The following EXOC6 variants were observed in gnomAD, a reference collection of about 807,000 sequenced individuals.
EXOC6 encodes exocyst complex component 6.
Under a neutral mutation model 112.5 loss-of-function variants are expected in EXOC6, and 60 were observed. That is an observed-to-expected ratio of 0.53 (90% CI 0.43 to 0.66). EXOC6 has a LOEUF of 0.66. Among genes scored for constraint, EXOC6 ranks in the 30% least tolerant of loss-of-function variants. EXOC6 has a pLI of 0.00. For missense variants in EXOC6, 855 were observed against 957.1 expected, an observed-to-expected ratio of 0.89 and a Z score of 1.41; for synonymous variants, 295 against 308.0, an observed-to-expected ratio of 0.96 and a Z score of 0.44.
At chr10:92,963,309 C>G (rs1398787577) in intron 17 of EXOC6, among the ~76,000 whole-genome samples, 3 of 152,094 alleles carry the variant, frequency 2.0e-5, no homozygotes, top group Non-Finnish European at 4.4e-5. Context: ...TGGGCTGTAG[C>G]TTTTTACCTA....
intron 9 of EXOC6, among the ~76,000 whole-genome samples, chr10:92,933,364 A>G (rs1209200740): frequency 5.9e-5 from 9 of 152,306 alleles, no homozygotes; most frequent in Admixed American, 5.9e-4. Flanking sequence ...GTAGGAACAT[A>G]TTCTTTTCAA....
intron 18 of EXOC6, among the ~76,000 whole-genome samples, chr10:92,979,028 G>T (rs760683760): frequency 6.6e-6 from 1 of 152,116 alleles, no homozygotes; most frequent in African/African-American, 2.4e-5. Flanking sequence ...AGATTTTCTG[G>T]GATAGAGGTG....
intron 1 of EXOC6, among the ~76,000 whole-genome samples, chr10:92,889,872 A>T (rs1014603854): frequency 4.0e-5 from 6 of 151,718 alleles, no homozygotes; most frequent in African/African-American, 1.5e-4. Flanking sequence ...ATCTCAGCCT[A>T]CTGAGTAGCT....
At chr10:92,942,884 C>T (rs1020250793) in intron 13 of EXOC6, among the ~76,000 whole-genome samples, 3 of 152,120 alleles carry the variant, frequency 2.0e-5, no homozygotes, top group African/African-American at 7.2e-5. Context: ...TGGCTTCATT[C>T]ACATAGAGAT....
At chr10:92,995,196 T>C (rs1465870596) in intron 18 of EXOC6, among the ~76,000 whole-genome samples, 1 of 152,120 alleles carries the variant, frequency 6.6e-6, no homozygotes, top group African/African-American at 2.4e-5. Flanking sequence ...AATAAAGAGC[T>C]AAATTTGTGT....
chr10:92,935,171 T>C (rs1852275314), intron 11 of EXOC6, among the ~76,000 whole-genome samples: 1 of 152,040 alleles, frequency 6.6e-6, no homozygotes, highest in African/African-American at 2.4e-5. Flanking sequence ...ATCAGGAATG[T>C]AGATTCTTGA....
chr10:92,948,206 G>A (rs1406084461), intron 13 of EXOC6, 68 bp from the exon 14 acceptor site: 14 of 986,170 alleles, frequency 1.4e-5, no homozygotes, highest in Non-Finnish European at 2.1e-5. Flanking sequence ...GTTTTTTAAG[G>A]TATTGTCTTT....
intron 18 of EXOC6, among the ~76,000 whole-genome samples, chr10:92,983,224 G>A (rs1842887126): frequency 6.6e-6 from 1 of 152,094 alleles, no homozygotes; most frequent in Admixed American, 6.6e-5. Flanking sequence ...TTTCATTCCA[G>A]TTAATACACA....
intron 1 of EXOC6, among the ~76,000 whole-genome samples, chr10:92,860,605 A>T (rs1809608725): frequency 6.6e-6 from 1 of 152,056 alleles, no homozygotes; most frequent in Non-Finnish European, 1.5e-5. Context: ...CTTATTAAAC[A>T]CTAACTCCCA....
chr10:93,000,522 G>A (rs1209417035), intron 19 of EXOC6, among the ~76,000 whole-genome samples: 1 of 152,142 alleles, frequency 6.6e-6, no homozygotes, highest in Non-Finnish European at 1.5e-5. Flanking sequence ...AAAAGCCTGG[G>A]GCCATTTGCA....
intron 20 of EXOC6, among the ~76,000 whole-genome samples, chr10:93,050,522 G>A (rs998051868): frequency 4.0e-5 from 6 of 151,890 alleles, no homozygotes; most frequent in Non-Finnish European, 8.8e-5. Context: ...CACTTTGGGA[G>A]GCCAAGATGG....
chr10:92,907,612 G>A (rs1850517003), intron 5 of EXOC6, among the ~76,000 whole-genome samples: 1 of 152,136 alleles, frequency 6.6e-6, no homozygotes. Flanking sequence ...GTAGACATTA[G>A]CATGAATTTT....
chr10:92,883,216 G>A (rs1212118570), intron 1 of EXOC6, among the ~76,000 whole-genome samples: 1 of 152,150 alleles, frequency 6.6e-6, no homozygotes, highest in East Asian at 1.9e-4. Flanking sequence ...CACATTTACT[G>A]ATATATCCAA....
At chr10:93,045,206 G>T (rs1235699582) in intron 20 of EXOC6, among the ~76,000 whole-genome samples, 1 of 152,112 alleles carries the variant, frequency 6.6e-6, no homozygotes, top group Non-Finnish European at 1.5e-5. Context: ...CAGCCTTAAA[G>T]AAAAGCCAGT....
intron 12 of EXOC6, 146 bp downstream of exon 12, chr10:92,936,031 C>T (rs568114139): frequency 3.5e-6 from 2 of 576,770 alleles, no homozygotes; most frequent in East Asian, 6.3e-5. Context: ...TCTGCTATTA[C>T]CCAGGACTAT....
At chr10:92,918,352 C>T (rs146337245) in intron 7 of EXOC6, among the ~76,000 whole-genome samples, 9 of 151,412 alleles carry the variant, frequency 5.9e-5, no homozygotes, top group South Asian at 2.1e-4. Context: ...TTGAACCATA[C>T]GACTATGTGC....
At chr10:93,034,230 T>G (rs1487590308) in intron 20 of EXOC6, among the ~76,000 whole-genome samples, 1 of 152,150 alleles carries the variant, frequency 6.6e-6, no homozygotes. Flanking sequence ...CTACCATCTA[T>G]TGGTTTTTAA....
intron 17 of EXOC6, among the ~76,000 whole-genome samples, chr10:92,970,566 T>C (rs1004718448): frequency 6.6e-6 from 1 of 152,240 alleles, no homozygotes; most frequent in African/African-American, 2.4e-5. Context: ...TATTTAATAG[T>C]GCTTCATTAA....
chr10:92,975,731 G>A (rs1193509070), intron 18 of EXOC6, among the ~76,000 whole-genome samples: 3 of 129,598 alleles, frequency 2.3e-5, no homozygotes, highest in Non-Finnish European at 3.4e-5. Context: ...CGCCCCGTCC[G>A]GGAGGGAGGT....
Sources: allele counts gnomAD v4.1 joint callset (sites outside exome capture counted in the v4.1 genomes callset), GRCh38; gene constraint gnomAD v4.1.1; transcripts MANE v1.5; gene names NCBI Gene and HGNC (gene_info 2026-07-23, HGNC 2026-07-21).